The following SIRPG variants were observed in gnomAD, a reference collection of about 807,000 sequenced individuals.
SIRPG encodes the protein signal regulatory protein gamma.
In SIRPG, 38 loss-of-function variants were observed where a neutral mutation model predicts 35.7. That is an observed-to-expected ratio of 1.06 (90% CI 0.82 to 1.40). The LOEUF (loss-of-function observed/expected upper bound fraction) is 1.40, where lower values mean the gene tolerates loss of function less well. SIRPG is among the 40% of genes most tolerant of loss of function. The probability of loss-of-function intolerance (pLI) is 0.00; values close to 1 mark genes in which losing one functional copy is unlikely to be tolerated. For synonymous variants in SIRPG, 215 were observed against 190.4 expected (o/e 1.13, Z -1.06); for missense variants, 519 against 483.0 (o/e 1.07, Z -0.70).
intron 3 of SIRPG, 92 bp from the exon 4 acceptor site, chr20:1,635,691 G>A (rs1316676730): frequency 1.5e-6 from 2 of 1,327,720 alleles, no homozygotes; most frequent in Non-Finnish European, 2.1e-6. Flanking sequence ...CACGGTGAGG[G>A]CATCACCAGG....
At chr20:1,646,642 ATTTGT>A (rs112635729) in intron 2 of SIRPG, 103,883 of 151,514 alleles carry the variant, frequency 0.69, 35,951 homozygotes, top group East Asian at 0.85. Flanking sequence ...ACTTTTTTTC[ATTTGT>A]TTTGTTTTGT....
the SIRPG span, among the ~76,000 whole-genome samples, chr20:1,667,240 A>G: frequency 2.0e-4 from 30 of 152,188 alleles, no homozygotes; most frequent in African/African-American, 7.2e-4. Flanking sequence ...CTAATTGCCT[A>G]CGGTATTCAG....
At chr20:1,630,102 G>T in intron 5 of SIRPG, 120 bp downstream of exon 5, 1 of 744,018 alleles carries the variant, frequency 1.3e-6, no homozygotes, top group Non-Finnish European at 2.3e-6. Context: ...AGACTTCCGA[G>T]GGTGCGGAGG....
chr20:1,676,774 TG>T, the SIRPG span: 1 of 214,850 alleles, frequency 4.7e-6, no homozygotes, highest in Non-Finnish European at 9.6e-6. Context: ...TCTGAACCAC[TG>T]GACAGGCCCC....
At chr20:1,655,888 A>G (rs1422428913) in intron 1 of SIRPG, among the ~76,000 whole-genome samples, 1 of 152,102 alleles carries the variant, frequency 6.6e-6, no homozygotes, top group Admixed American at 6.5e-5. Context: ...TCATCTGTGC[A>G]TGTACATGTA....
chr20:1,674,543 G>A, the SIRPG span, among the ~76,000 whole-genome samples: 5 of 152,182 alleles, frequency 3.3e-5, no homozygotes, highest in Admixed American at 2.0e-4. Context: ...ACCAGAGCCC[G>A]GAAGTGGCCC....
chr20:1,664,237 T>C, the SIRPG span, among the ~76,000 whole-genome samples: 1 of 152,202 alleles, frequency 6.6e-6, no homozygotes, highest in Non-Finnish European at 1.5e-5. Flanking sequence ...ACATAGGGGA[T>C]CAAATTTCAA....
chr20:1,630,209 TC>T lies in SIRPG; in HGVS notation c.*2+12del. The T allele has an allele frequency of 1.3e-6, 2 of 1,548,278 alleles. No individual in the cohort carries two copies. The highest frequency in any genetic ancestry group is 2.4e-5 in the South Asian group (2 of 84,140). ...AGACAGCCCTTGGTCTGTCCTCCCT[TC>T]CTTGTACTTACAGTCAGGTCTTCTG... On this transcript the variant is annotated intron_variant, in intron 5 of 5. Transcript: ENST00000303415.
chr20:1,650,002 G>GTATATATATATATA (rs200260253), intron 1 of SIRPG, among the ~76,000 whole-genome samples: 2,504 of 80,704 alleles, frequency 0.031, 66 homozygotes, highest in African/African-American at 0.039. Context: ...ACTTTGAAGT[G>GTATATATATATATA]TGTATATATA....
chr20:1,635,074 T>C (rs1338688080), intron 4 of SIRPG, among the ~76,000 whole-genome samples, 193 bp downstream of exon 4: 1 of 152,112 alleles, frequency 6.6e-6, no homozygotes, highest in Non-Finnish European at 1.5e-5. Context: ...TATATTTATG[T>C]CAAAAGTTCT....
At chr20:1,629,908 C>T (rs1342462377) in intron 5 of SIRPG, among the ~76,000 whole-genome samples, 1 of 152,178 alleles carries the variant, frequency 6.6e-6, no homozygotes, top group East Asian at 1.9e-4. Context: ...GTGGATTTCT[C>T]TGACCCCATG....
chr20:1,675,491 A>G, the SIRPG span, among the ~76,000 whole-genome samples: 1 of 152,174 alleles, frequency 6.6e-6, no homozygotes, highest in Middle Eastern at 3.2e-3. Flanking sequence ...AGAGCAATGC[A>G]AGAGTTTAGA....
chr20:1,664,196 C>T, the SIRPG span, among the ~76,000 whole-genome samples: 1 of 152,214 alleles, frequency 6.6e-6, no homozygotes, highest in African/African-American at 2.4e-5. Context: ...GCCCCCATGA[C>T]TCAAACACCT....
intron 1 of SIRPG, among the ~76,000 whole-genome samples, chr20:1,653,447 G>A (rs996565665): frequency 2.6e-5 from 4 of 152,176 alleles, no homozygotes; most frequent in African/African-American, 9.7e-5. Context: ...AGGCTTGGAG[G>A]CTTCAGTGGA....
chr20:1,650,000 G>GTATATATATATATATATATA (rs1491226682), intron 1 of SIRPG, among the ~76,000 whole-genome samples: 2 of 85,412 alleles, frequency 2.3e-5, no homozygotes, highest in African/African-American at 9.6e-5. Context: ...CTACTTTGAA[G>GTATATATATATATATATATA]TGTGTATATA....
chr20:1,681,384 C>T, the SIRPG span, among the ~76,000 whole-genome samples: 491 of 152,240 alleles, frequency 3.2e-3, 3 homozygotes, highest in African/African-American at 0.011. Flanking sequence ...CAATGAATGA[C>T]CTTGGAATGC....
At chr20:1,645,406 G>A (rs1263268934) in intron 2 of SIRPG, among the ~76,000 whole-genome samples, 1 of 152,126 alleles carries the variant, frequency 6.6e-6, no homozygotes, top group East Asian at 1.9e-4. Flanking sequence ...GTCCAGGTTT[G>A]TAAACATTTT....
At chr20:1,677,700 G>A in the SIRPG span, among the ~76,000 whole-genome samples, 1 of 152,146 alleles carries the variant, frequency 6.6e-6, no homozygotes, top group African/African-American at 2.4e-5. Flanking sequence ...TTGTGTGACT[G>A]CGTTACAATC....
chr20:1,636,322 T>C lies in SIRPG; in HGVS notation c.614A>G (p.Tyr205Cys). 1 of 1,614,238 alleles carries C rather than the reference T, an allele frequency of 6.2e-7. No individual in the cohort carries two copies. Among genetic ancestry groups the C allele is most frequent in the Non-Finnish European group, 8.5e-7 (1 of 1,180,036 alleles). Residue 205 changes from tyrosine (Y) to cysteine (C), a missense_variant, in exon 3 of 6, where the codon TAC becomes TGC. By Grantham distance (194) the Tyr-to-Cys change is radical. Transcript: ENST00000303415. ...NVDPTGQSVA[Y>C]SIRSTARVVL... is the part of the protein sequence containing the mutation. ...CACCCTGGCTGTGCTGCGGATGCTGTAGGCCACACTCTGTCCTGTGGGGTC... is the reference window on the plus strand; with the variant it reads ...CACCCTGGCTGTGCTGCGGATGCTGCAGGCCACACTCTGTCCTGTGGGGTC...
Sources: gnomAD v4.1 joint callset for allele counts (sites outside exome capture counted in the v4.1 genomes callset) on GRCh38, gnomAD v4.1.1 for gene constraint, MANE v1.5 for transcripts, NCBI Gene and HGNC (gene_info 2026-07-23, HGNC 2026-07-21) for gene names.